The following C1orf116 variants were observed in gnomAD, a reference collection of about 807,000 sequenced individuals.
C1orf116 encodes the protein chromosome 1 open reading frame 116.
A neutral mutation model predicts 14.1 loss-of-function variants in C1orf116; 12 were observed. That is an observed-to-expected ratio of 0.85 (90% CI 0.54 to 1.38). The LOEUF (loss-of-function observed/expected upper bound fraction) is 1.38, where lower values mean the gene tolerates loss of function less well. C1orf116 is among the 40% of genes most tolerant of loss of function. C1orf116 has a pLI of 0.00. For synonymous variants in C1orf116, 296 were observed against 299.0 expected (o/e 0.99, Z 0.10); for missense variants, 797 against 747.0 (o/e 1.07, Z -0.78).
At chr1:207,025,094 G>A (rs777330251) in intron 2 of C1orf116, 30 bp from the exon 3 acceptor site, 54 of 845,574 alleles carry the variant, frequency 6.4e-5, no homozygotes, top group Middle Eastern at 4.0e-4. Flanking sequence ...GGGCGGGGGC[G>A]GGGAGGCGGG....
chr1:207,031,229 T>A (rs2842730), intron 1 of C1orf116, among the ~76,000 whole-genome samples: 1 of 152,172 alleles, frequency 6.6e-6, no homozygotes, highest in African/African-American at 2.4e-5. Context: ...TTTGCATATC[T>A]GTCTCCATGA....
rs1266830536 is a variant in C1orf116, at chr1:207,021,364, T to A, written c.*594A>T. 1 of 152,432 alleles carries A rather than the reference T, an allele frequency of 6.6e-6. No individual in the cohort carries two copies. Among genetic ancestry groups the A allele is most frequent in the East Asian group, 1.9e-4 (1 of 5,174 alleles). The allele number at this position is 152,432 out of a possible 1,614,324, so 9.4% of individuals were successfully genotyped here. ...GGACGTATCCTGTCTTTGGGACTGGTGATACTGAGAGGGCAGTGGGTGAAG... is the reference window on the plus strand; with the variant it reads ...GGACGTATCCTGTCTTTGGGACTGGAGATACTGAGAGGGCAGTGGGTGAAG... On this transcript the variant is annotated 3_prime_UTR_variant, in exon 4 of 4. Transcript: ENST00000359470.
chr1:207,030,241 A>G (rs1682205222), intron 1 of C1orf116, among the ~76,000 whole-genome samples: 2 of 152,184 alleles, frequency 1.3e-5, no homozygotes, highest in Non-Finnish European at 2.9e-5. Context: ...GGCTCTTACC[A>G]CTAGCCCTTC....
At chr1:207,024,825 C>T (rs1054669556) in intron 3 of C1orf116, 62 bp downstream of exon 3, 22 of 1,573,230 alleles carry the variant, frequency 1.4e-5, no homozygotes, top group African/African-American at 1.3e-4. Context: ...AGAAAGTGGC[C>T]GGAGGGGACA....
At chr1:207,029,167 C>T (rs1464994815) in intron 1 of C1orf116, among the ~76,000 whole-genome samples, 1 of 151,758 alleles carries the variant, frequency 6.6e-6, no homozygotes, top group African/African-American at 2.4e-5. Flanking sequence ...TGGGAGGAGT[C>T]TCTTAAAAGG....
Position 207,020,379 on chromosome 1 carries a change from C to T in C1orf116, c.*1579G>A, listed in dbSNP as rs931030217. The stretch of plus-strand genomic sequence containing the variant: ...CATCAGGACACAGTCCAGAAATTCT[C>T]AGCAGCCTTAAAAGGCACCTTTCCA... On this transcript the variant is annotated 3_prime_UTR_variant, in exon 4 of 4. Coordinates refer to ENST00000359470, the MANE Select transcript of C1orf116 (RefSeq NM_023938.6). The T allele has an allele frequency of 6.6e-6, 1 of 152,236 alleles. No individual in the cohort carries two copies. The highest frequency in any genetic ancestry group is 6.5e-5 in the Admixed American group (1 of 15,286). 9.4% of individuals were successfully genotyped at this position (152,236 alleles called of 1,614,324 possible).
At chr1:207,026,852 T>C (rs1365849505) in intron 2 of C1orf116, among the ~76,000 whole-genome samples, 2 of 152,218 alleles carry the variant, frequency 1.3e-5, no homozygotes, top group African/African-American at 4.8e-5. Context: ...CTAAACACAG[T>C]GACTTTGGAA....
chr1:207,022,015 A>G lies in C1orf116; in HGVS notation c.1749T>C (p.Gly583=). The change falls in exon 4 of 4, where the codon GGT becomes GGC. Residue 583 remains glycine (G), a synonymous_variant. Coordinates refer to ENST00000359470, the MANE Select transcript of C1orf116 (RefSeq NM_023938.6). ...CCTCCCTTCTGTGTTCATTGGGGAC[A>G]CCCTTTGGGGAGATCTTGACACTGA... ...PCVSVKISPK[G]VPNEHRREAL... 1 of 1,564,618 alleles carries G rather than the reference A, an allele frequency of 6.4e-7. No homozygotes were observed. The highest frequency in any genetic ancestry group is 8.6e-7 in the Non-Finnish European group (1 of 1,159,268).
At chr1:207,024,223 C>G (rs1224788076) in intron 3 of C1orf116, among the ~76,000 whole-genome samples, 6 of 152,238 alleles carry the variant, frequency 3.9e-5, no homozygotes, top group African/African-American at 7.2e-5. Context: ...ATTTATAGCT[C>G]TAGCTCCAGG....
chr1:207,027,829 T>G (rs1006729986), intron 1 of C1orf116, 150 bp from the exon 2 acceptor site: 5 of 874,300 alleles, frequency 5.7e-6, no homozygotes, highest in Non-Finnish European at 8.4e-6. Flanking sequence ...CCGGCCTGCA[T>G]GGAAGGACCC....
At chr1:207,023,831 C>A (rs1193551254) in intron 3 of C1orf116, among the ~76,000 whole-genome samples, 2 of 152,104 alleles carry the variant, frequency 1.3e-5, no homozygotes, top group Non-Finnish European at 2.9e-5. Flanking sequence ...AATAGCATAT[C>A]TTTTTTTGAC....
chr1:207,027,970 T>A (rs1572698254), intron 1 of C1orf116, among the ~76,000 whole-genome samples: 1 of 152,392 alleles, frequency 6.6e-6, no homozygotes, highest in East Asian at 1.9e-4. Flanking sequence ...TTTTCATTAC[T>A]ATAAGCAATA....
At position 207,019,854 on chromosome 1, in the gene C1orf116, C is replaced by T. The variant is rs1681781887; in HGVS notation, c.*2104G>A. On this transcript the variant is annotated 3_prime_UTR_variant, in exon 4 of 4. Coordinates refer to ENST00000359470, the MANE Select transcript of C1orf116 (RefSeq NM_023938.6). ...GTCGTGTGTGGGAGAAATGACCTTT[C>T]TCAGGATGTGGGAATATAATAGGCT... 1 of 152,104 alleles carries T rather than the reference C, an allele frequency of 6.6e-6. No individual in the cohort carries two copies. Among genetic ancestry groups the T allele is most frequent in the African/African-American group, 2.4e-5 (1 of 41,408 alleles). 9.4% of individuals were successfully genotyped at this position (152,104 alleles called of 1,614,324 possible). A position where few individuals can be genotyped will look rare whatever the true frequency, so the allele number is the denominator to read the frequency against.
intron 1 of C1orf116, among the ~76,000 whole-genome samples, chr1:207,031,828 A>G (rs1435914730): frequency 6.6e-6 from 1 of 152,124 alleles, no homozygotes; most frequent in African/African-American, 2.4e-5. Flanking sequence ...GCCACGAAAT[A>G]TTCATGTGGG....
intron 2 of C1orf116, 23 bp from the exon 3 acceptor site, chr1:207,025,087 C>A: frequency 8.7e-5 from 1 of 11,528 alleles, no homozygotes; most frequent in South Asian, 2.9e-3. Context: ...GGGTTGGGGG[C>A]GGGGGCGGGG....
Position 207,027,640 on chromosome 1 carries a change from A to G in C1orf116, c.-42T>C. The G allele has an allele frequency of 6.2e-7, 1 of 1,600,656 alleles. No individual in the cohort carries two copies. The highest frequency in any genetic ancestry group is 8.5e-7 in the Non-Finnish European group (1 of 1,177,272). On this transcript the variant is annotated 5_prime_UTR_variant, in exon 2 of 4. Coordinates refer to ENST00000359470, the MANE Select transcript of C1orf116 (RefSeq NM_023938.6). Reference sequence around the variant, plus strand: ...CAGGGATGGCAAAGGGGGCTTCTAGAGGGGAAGCGAGGGGAAGTGAACAAT... The same window carrying G: ...CAGGGATGGCAAAGGGGGCTTCTAGGGGGGAAGCGAGGGGAAGTGAACAAT...
chr1:207,032,395 A>G (rs1682274574), intron 1 of C1orf116, among the ~76,000 whole-genome samples, 184 bp downstream of exon 1: 1 of 152,230 alleles, frequency 6.6e-6, no homozygotes, highest in African/African-American at 2.4e-5. Flanking sequence ...CAAAAACACT[A>G]CAATCTCAAG....
intron 1 of C1orf116, among the ~76,000 whole-genome samples, chr1:207,030,692 G>A (rs905332497): frequency 2.0e-5 from 3 of 152,108 alleles, no homozygotes; most frequent in African/African-American, 7.2e-5. Context: ...CTTGAACCTT[G>A]GGGCTCTTTC....
In C1orf116 at chr1:207,022,299, C is replaced by T. The variant is rs150604105; in HGVS notation, c.1465G>A (p.Val489Met). ...GTTGAAAGGTAGCTGCTCAGTCCCA[C>T]GCCTGAGCGCTCCAGAGTGTTGGAC... ...FKSNTLERSG[V>M]GLSSYLSTEK... The change falls in exon 4 of 4, where the codon GTG becomes ATG. Residue 489 changes from valine (V) to methionine (M), a missense_variant. By Grantham distance (21) the Val-to-Met change is conservative. Transcript: ENST00000359470. 70 of 1,613,792 alleles carry T rather than the reference C, an allele frequency of 4.3e-5. No individual in the cohort carries two copies. The highest frequency in any genetic ancestry group is 2.5e-4 in the Admixed American group (15 of 59,946).
Sources: allele counts gnomAD v4.1 joint callset (sites outside exome capture counted in the v4.1 genomes callset), GRCh38; gene constraint gnomAD v4.1.1; transcripts MANE v1.5; gene names NCBI Gene and HGNC (gene_info 2026-07-23, HGNC 2026-07-21).